KCNH8: variants seen among roughly 807,000 people sequenced by gnomAD.
KCNH8 encodes the protein voltage-gated delayed rectifier potassium channel KCNH8.
A neutral mutation model predicts 103.6 loss-of-function variants in KCNH8; 70 were observed. The ratio of observed to expected loss-of-function variants is 0.68; its 90% CI spans 0.56 to 0.82. KCNH8 has a LOEUF of 0.82. Among genes scored for constraint, KCNH8 ranks in the 40% least tolerant of loss-of-function variants. KCNH8 has a pLI of 0.00. For missense variants in KCNH8, 1,217 were observed against 1,329.9 expected (o/e 0.92, Z 1.32); for synonymous variants, 498 against 489.4 (o/e 1.02, Z -0.23).
chr3:19,257,606 A>G (rs1393819548), intron 2 of KCNH8, among the ~76,000 whole-genome samples: 1 of 152,078 alleles, frequency 6.6e-6, no homozygotes, highest in Non-Finnish European at 1.5e-5. Flanking sequence ...TCCTCTCTAC[A>G]GAAAGCTTAT....
intron 1 of KCNH8, among the ~76,000 whole-genome samples, chr3:19,150,286 A>G (rs1051901076): frequency 2.0e-5 from 3 of 152,148 alleles, no homozygotes; most frequent in African/African-American, 4.8e-5. Context: ...TTTACCATGC[A>G]TGATGGCGGA....
At chr3:19,497,552 G>C (rs965778767) in intron 11 of KCNH8, among the ~76,000 whole-genome samples, 1 of 152,130 alleles carries the variant, frequency 6.6e-6, no homozygotes, top group Non-Finnish European at 1.5e-5. Context: ...GTATGGTTTT[G>C]AGAGATTTTC....
intron 11 of KCNH8, among the ~76,000 whole-genome samples, chr3:19,460,163 G>A (rs2067599910): frequency 6.6e-6 from 1 of 152,068 alleles, no homozygotes. Context: ...TTTATTTTAG[G>A]CTTTGTTAAG....
At chr3:19,217,727 T>TA (rs1444425440) in intron 1 of KCNH8, among the ~76,000 whole-genome samples, 2 of 152,190 alleles carry the variant, frequency 1.3e-5, no homozygotes, top group Non-Finnish European at 2.9e-5. Context: ...CGTCTGTACT[T>TA]ACAGGTATCA....
At chr3:19,405,370 C>A (rs2066676153) in intron 7 of KCNH8, among the ~76,000 whole-genome samples, 1 of 151,588 alleles carries the variant, frequency 6.6e-6, no homozygotes, top group African/African-American at 2.4e-5. Flanking sequence ...TAATATGTAT[C>A]TAATAATGTT....
chr3:19,463,700 T>C (rs904682862), intron 11 of KCNH8, among the ~76,000 whole-genome samples: 1 of 152,146 alleles, frequency 6.6e-6, no homozygotes, highest in Non-Finnish European at 1.5e-5. Flanking sequence ...ACTTAGTCCA[T>C]TTAAATATAT....
intron 7 of KCNH8, among the ~76,000 whole-genome samples, chr3:19,429,446 T>A (rs1031844863): frequency 6.6e-6 from 1 of 152,138 alleles, no homozygotes; most frequent in African/African-American, 2.4e-5. Context: ...AGTGCTGGGA[T>A]TACAGGCGTG....
At chr3:19,365,206 GT>G (rs1396592517) in intron 5 of KCNH8, among the ~76,000 whole-genome samples, 1 of 152,016 alleles carries the variant, frequency 6.6e-6, no homozygotes, top group African/African-American at 2.4e-5. Flanking sequence ...ATGTTCCTCT[GT>G]GCATATACTG....
chr3:19,445,643 T>A (rs2067352271), intron 8 of KCNH8, among the ~76,000 whole-genome samples: 1 of 151,832 alleles, frequency 6.6e-6, no homozygotes, highest in South Asian at 2.1e-4. Context: ...AGCAATGGAG[T>A]ACAATTATGT....
At chr3:19,440,847 G>A (rs1199202645) in intron 8 of KCNH8, among the ~76,000 whole-genome samples, 1 of 151,952 alleles carries the variant, frequency 6.6e-6, no homozygotes, top group African/African-American at 2.4e-5. Flanking sequence ...AAATCTTTGG[G>A]GTTGGCACTA....
At chr3:19,217,990 A>G (rs1158515322) in intron 1 of KCNH8, among the ~76,000 whole-genome samples, 1 of 152,198 alleles carries the variant, frequency 6.6e-6, no homozygotes, top group East Asian at 1.9e-4. Flanking sequence ...CCTGTGTCAC[A>G]TAAACTAGGA....
At chr3:19,208,253 G>A (rs1303676152) in intron 1 of KCNH8, among the ~76,000 whole-genome samples, 2 of 151,984 alleles carry the variant, frequency 1.3e-5, no homozygotes, top group African/African-American at 2.4e-5. Flanking sequence ...ATTGCATTAT[G>A]TTTTATTCAT....
intron 5 of KCNH8, among the ~76,000 whole-genome samples, chr3:19,378,932 T>C (rs546982771): frequency 6.6e-6 from 1 of 152,314 alleles, no homozygotes; most frequent in East Asian, 1.9e-4. Flanking sequence ...TCAAGTCTCA[T>C]GCATCACAGA....
At position 19,535,149 on chromosome 3, in the gene KCNH8, C is replaced by CAA. The variant is rs35264329; in HGVS notation, c.*1052_*1053dup. Reference sequence around the variant, plus strand: ...TGTGGACATAGGGCAATTTGGGGCTCAAAGTGAGGGAGAAAACCTGGGTGT... The same window carrying CAA: ...TGTGGACATAGGGCAATTTGGGGCTCAAAAAGTGAGGGAGAAAACCTGGGTGT... On this transcript the variant is annotated 3_prime_UTR_variant, in exon 16 of 16. Coordinates refer to ENST00000328405, the MANE Select transcript of KCNH8 (RefSeq NM_144633.3). 1 of 152,114 alleles carries CAA rather than the reference C, an allele frequency of 6.6e-6. No homozygotes were observed. The highest frequency in any genetic ancestry group is 1.5e-5 in the Non-Finnish European group (1 of 68,022). 9.4% of individuals were successfully genotyped at this position (152,114 alleles called of 1,614,324 possible).
At chr3:19,307,230 T>C (rs2065142114) in intron 3 of KCNH8, among the ~76,000 whole-genome samples, 1 of 151,830 alleles carries the variant, frequency 6.6e-6, no homozygotes, top group African/African-American at 2.4e-5. Context: ...GCAATCCAAT[T>C]TATAAATGGG....
chr3:19,461,451 A>G (rs2067626355), intron 11 of KCNH8, among the ~76,000 whole-genome samples: 1 of 152,164 alleles, frequency 6.6e-6, no homozygotes. Context: ...CTGGTGTCAG[A>G]CTAACTGTAG....
intron 5 of KCNH8, among the ~76,000 whole-genome samples, chr3:19,383,565 G>A (rs2066316390): frequency 6.6e-6 from 1 of 152,026 alleles, no homozygotes; most frequent in Admixed American, 6.6e-5. Flanking sequence ...TAGAGACGGG[G>A]TTTCACCATG....
chr3:19,208,354 A>G (rs2063737137), intron 1 of KCNH8, among the ~76,000 whole-genome samples: 1 of 152,056 alleles, frequency 6.6e-6, no homozygotes, highest in Non-Finnish European at 1.5e-5. Flanking sequence ...CACATCTTCA[A>G]TATATGATAA....
At chr3:19,384,096 AAAAT>A (rs2066324386) in intron 5 of KCNH8, among the ~76,000 whole-genome samples, 1 of 152,228 alleles carries the variant, frequency 6.6e-6, no homozygotes, top group Non-Finnish European at 1.5e-5. Context: ...CTTATATAAT[AAAAT>A]AAAAGCAATG....
Sources: allele counts gnomAD v4.1 joint callset (sites outside exome capture counted in the v4.1 genomes callset), GRCh38; gene constraint gnomAD v4.1.1; transcripts MANE v1.5; gene names NCBI Gene and HGNC (gene_info 2026-07-23, HGNC 2026-07-21).